The following MCTP2 variants were observed in gnomAD, a reference collection of about 807,000 sequenced individuals.
MCTP2 encodes the protein multiple C2 and transmembrane domain-containing protein 2.
In MCTP2, 132 loss-of-function variants were observed where a neutral mutation model predicts 111.6. The observed-to-expected ratio is 1.18, with a 90% CI of 1.03 to 1.37. The LOEUF (loss-of-function observed/expected upper bound fraction) is 1.37. MCTP2 is among the 40% of genes most tolerant of loss of function. The pLI is 0.00. For missense variants in MCTP2, 1,183 were observed against 1,067.9 expected, an observed-to-expected ratio of 1.11 and a Z score of -1.50; for synonymous variants, 395 against 387.7, an observed-to-expected ratio of 1.02 and a Z score of -0.22.
chr15:94,354,808 C>G (rs985296782), intron 8 of MCTP2, among the ~76,000 whole-genome samples: 6 of 152,122 alleles, frequency 3.9e-5, no homozygotes, highest in Non-Finnish European at 8.8e-5. Flanking sequence ...GCTATAATGA[C>G]TATGGTACTG....
chr15:94,255,074 G>A (rs1213150284), intron 1 of MCTP2, among the ~76,000 whole-genome samples: 4 of 152,116 alleles, frequency 2.6e-5, no homozygotes, highest in Admixed American at 6.5e-5. Context: ...GATCAGACCT[G>A]TTCTTCTTCC....
intron 1 of MCTP2, among the ~76,000 whole-genome samples, chr15:94,288,436 G>A (rs185690548): frequency 3.9e-5 from 6 of 152,272 alleles, no homozygotes; most frequent in Middle Eastern, 3.4e-3. Context: ...CTGACCTTAC[G>A]TCCTATACAA....
Position 94,406,915 on chromosome 15 carries a change from G to A in MCTP2, c.2085+4896G>A, listed in dbSNP as rs183770164. ...TGTTCAGAAAAGGGATGGGGTAGAA[G>A]AGAATAACCACCCCTTATGTTCCTT... is the stretch of plus-strand genomic sequence containing the variant. On this transcript the variant is annotated intron_variant, in intron 17 of 22. Transcript: ENST00000357742. Among the ~76,000 whole-genome samples, 196 of 149,192 alleles carry A rather than the reference G, an allele frequency of 1.3e-3. 1 individual carries two copies. Among genetic ancestry groups the A allele is most frequent in the Non-Finnish European group, 2.3e-3 (153 of 67,610 alleles).
intron 8 of MCTP2, among the ~76,000 whole-genome samples, chr15:94,352,326 C>G (rs942145276): frequency 6.6e-6 from 1 of 152,194 alleles, no homozygotes; most frequent in Non-Finnish European, 1.5e-5. Flanking sequence ...CTAACTGGCA[C>G]AGCACACCTT....
In MCTP2 at chr15:94,421,399, A is replaced by G. The variant is rs542104510; in HGVS notation, c.2086-18777A>G. ...TCTTTTGCTGCTGTGACAAATTATC[A>G]AAGACATAAGTGGCTTAAGATGACA... On this transcript the variant is annotated intron_variant, in intron 17 of 22. Coordinates refer to ENST00000357742, the MANE Select transcript of MCTP2 (RefSeq NM_001385001.1). 2.0e-5 allele frequency among the ~76,000 whole-genome samples: 3 copies of G among 152,298 alleles called. No homozygotes were observed. The South Asian group carries it at 6.2e-4, about 32-fold the overall frequency.
intron 8 of MCTP2, 36 bp from the exon 9 acceptor site, chr15:94,356,101 A>G: frequency 7.0e-7 from 1 of 1,433,280 alleles, no homozygotes; most frequent in Non-Finnish European, 9.2e-7. Context: ...AGGAATTAGA[A>G]GCAAGTTTAC....
chr15:94,325,312 A>G (rs905403776), intron 4 of MCTP2, among the ~76,000 whole-genome samples: 18 of 152,180 alleles, frequency 1.2e-4, no homozygotes, highest in African/African-American at 4.3e-4. Context: ...AGTCATATGC[A>G]ATAAACATTA....
intron 4 of MCTP2, among the ~76,000 whole-genome samples, chr15:94,331,518 G>A (rs1398698930): frequency 6.6e-6 from 1 of 152,152 alleles, no homozygotes; most frequent in Non-Finnish European, 1.5e-5. Context: ...GTGGTGCAGG[G>A]AAGAATCCGA....
At chr15:94,328,449 C>T (rs1243435401) in intron 4 of MCTP2, among the ~76,000 whole-genome samples, 5 of 152,102 alleles carry the variant, frequency 3.3e-5, no homozygotes, top group Admixed American at 6.5e-5. Context: ...TATTTCTATA[C>T]CACGATGATA....
At position 94,298,516 on chromosome 15, in the gene MCTP2, C is replaced by T. The variant is rs1392503226; in HGVS notation, c.251C>T (p.Thr84Ile). Residue 84 changes from threonine (T) to isoleucine (I), a missense_variant, in exon 2 of 23, where the codon ACT (threonine) becomes ATT (isoleucine). Thr to Ile is a moderately conservative substitution (Grantham distance 89, BLOSUM62 -1). Coordinates refer to ENST00000357742, the MANE Select transcript of MCTP2 (RefSeq NM_001385001.1). ...SYTSVPSSLS[T>I]AGIFPKSSSS... ...ACCTCGGTGCCCAGCAGTCTGTCCA[C>T]TGCAGGGATCTTTCCCAAGAGCAGC... 6.2e-7 allele frequency: 1 copy of T among 1,614,146 alleles called. No homozygotes were observed. The highest frequency in any genetic ancestry group is 8.5e-7 in the Non-Finnish European group (1 of 1,179,994).
chr15:94,379,297 A>G (rs1278852863), intron 12 of MCTP2, among the ~76,000 whole-genome samples: 1 of 152,100 alleles, frequency 6.6e-6, no homozygotes, highest in Non-Finnish European at 1.5e-5. Flanking sequence ...TGGGGTAAAC[A>G]GAGAGAAAAT....
chr15:94,315,341 G>C (rs1456461777), intron 3 of MCTP2, among the ~76,000 whole-genome samples, 188 bp from the exon 4 acceptor site: 1 of 152,174 alleles, frequency 6.6e-6, no homozygotes, highest in African/African-American at 2.4e-5. Flanking sequence ...AAATCCCACT[G>C]GGGAGAAATG....
At chr15:94,332,311 G>T (rs8039928) in intron 4 of MCTP2, among the ~76,000 whole-genome samples, 5,643 of 152,138 alleles carry the variant, frequency 0.037, 312 homozygotes, top group African/African-American at 0.13. Flanking sequence ...AACTTACAGA[G>T]TCCATCTAAA....
At chr15:94,332,768 T>C (rs1263955670) in intron 4 of MCTP2, among the ~76,000 whole-genome samples, 1 of 152,258 alleles carries the variant, frequency 6.6e-6, no homozygotes, top group African/African-American at 2.4e-5. Flanking sequence ...GCTTTGCTGA[T>C]AGCAAATAAG....
chr15:94,476,894 A>G, intron 22 of MCTP2, 101 bp downstream of exon 22: 1 of 701,668 alleles, frequency 1.4e-6, no homozygotes, highest in South Asian at 1.7e-5. Flanking sequence ...AGTAATTGAG[A>G]TAAGGAACCA....
chr15:94,438,616 C>T (rs1301961920), intron 17 of MCTP2, among the ~76,000 whole-genome samples: 1 of 152,128 alleles, frequency 6.6e-6, no homozygotes, highest in Non-Finnish European at 1.5e-5. Flanking sequence ...TCAGAAGATA[C>T]TGAACGAACG....
chr15:94,263,086 G>T (rs1567295683), intron 1 of MCTP2, among the ~76,000 whole-genome samples: 1 of 152,158 alleles, frequency 6.6e-6, no homozygotes, highest in Non-Finnish European at 1.5e-5. Context: ...GAGGAGAGAG[G>T]TTAAAGAAGG....
At chr15:94,272,767 T>C (rs1336262606) in intron 1 of MCTP2, among the ~76,000 whole-genome samples, 1 of 152,192 alleles carries the variant, frequency 6.6e-6, no homozygotes, top group South Asian at 2.1e-4. Context: ...CTTTCTAGTT[T>C]CCTTTGCAAG....
Position 94,254,787 on chromosome 15 carries a change from G to A in MCTP2, c.-66+23123G>A, listed in dbSNP as rs536162163. On this transcript the variant is annotated intron_variant, in intron 1 of 22. Transcript: ENST00000357742. ...TTTATACTTGTCCTTATGAGAGTAA[G>A]CATTAATTTGTCATTGATTACAACC... Among the ~76,000 whole-genome samples the A allele has an allele frequency of 3.9e-5, 6 of 152,304 alleles. No homozygotes were observed. The South Asian group carries it at 8.3e-4, about 21-fold the overall frequency.
Sources: allele counts gnomAD v4.1 joint callset (sites outside exome capture counted in the v4.1 genomes callset), GRCh38; gene constraint gnomAD v4.1.1; transcripts MANE v1.5; gene names NCBI Gene and HGNC (gene_info 2026-07-23, HGNC 2026-07-21).